The following SOX5 variants were observed in gnomAD, a reference collection of about 807,000 sequenced individuals.
SOX5 encodes transcription factor SOX-5.
SOX5 carries 9 observed loss-of-function variants against 92.0 expected under a neutral mutation model. That is an observed-to-expected ratio of 0.10 (90% CI 0.06 to 0.17). The LOEUF is 0.17. SOX5 is among the 10% of genes least tolerant of loss of function. The pLI is 1.00. For synonymous variants in SOX5, 344 were observed against 336.3 expected (o/e 1.02, Z -0.25); for missense variants, 642 against 944.5 (o/e 0.68, Z 4.20).
intron 1 of SOX5, among the ~76,000 whole-genome samples, chr12:24,450,509 T>G (rs79777896): frequency 0.23 from 35,262 of 150,056 alleles, 4,944 homozygotes; most frequent in East Asian, 0.67. Context: ...TTTATTTATT[T>G]ATTGAGACAG....
chr12:24,082,304 G>A (rs1943435586), intron 4 of SOX5, among the ~76,000 whole-genome samples: 1 of 146,206 alleles, frequency 6.8e-6, no homozygotes. Flanking sequence ...TGCCCCACAA[G>A]CACTATTTAG....
chr12:24,345,592 A>G (rs541367368), intron 2 of SOX5, among the ~76,000 whole-genome samples: 39 of 152,350 alleles, frequency 2.6e-4, no homozygotes, highest in Admixed American at 5.2e-4. Context: ...TTATTATCAG[A>G]GGTAGTTTTA....
chr12:23,929,989 C>G (rs1337883643), intron 1 of SOX5, among the ~76,000 whole-genome samples: 3 of 151,872 alleles, frequency 2.0e-5, no homozygotes, highest in Admixed American at 6.6e-5. Context: ...TACAATTTCT[C>G]TACTCATCCT....
At chr12:24,126,806 G>A (rs1949147706) in intron 4 of SOX5, among the ~76,000 whole-genome samples, 1 of 152,078 alleles carries the variant, frequency 6.6e-6, no homozygotes, top group Admixed American at 6.5e-5. Context: ...CTAGTATGCT[G>A]CTCTTTCTGG....
At chr12:23,539,605 T>TAAA (rs35395976) in intron 13 of SOX5, among the ~76,000 whole-genome samples, 3 of 141,144 alleles carry the variant, frequency 2.1e-5, no homozygotes, top group South Asian at 2.2e-4. Flanking sequence ...TGGTCTGGCT[T>TAAA]AAAAAAAAAA....
intron 3 of SOX5, among the ~76,000 whole-genome samples, chr12:24,216,628 A>C (rs1959181699): frequency 6.6e-6 from 1 of 152,130 alleles, no homozygotes; most frequent in African/African-American, 2.4e-5. Flanking sequence ...TTGAATAAAA[A>C]CTATGGACAT....
intron 1 of SOX5, among the ~76,000 whole-genome samples, chr12:24,416,864 T>G (rs1425529733): frequency 6.6e-6 from 1 of 152,182 alleles, no homozygotes; most frequent in Non-Finnish European, 1.5e-5. Flanking sequence ...ATCTGTCAAT[T>G]TGAATTAATG....
chr12:24,294,082 G>A (rs915063709), intron 2 of SOX5, among the ~76,000 whole-genome samples: 5 of 152,136 alleles, frequency 3.3e-5, no homozygotes, highest in African/African-American at 9.7e-5. Flanking sequence ...ACATGTGTTC[G>A]TAAGTGCAGA....
At chr12:23,628,722 C>T (rs868694403) in intron 8 of SOX5, among the ~76,000 whole-genome samples, 2 of 151,808 alleles carry the variant, frequency 1.3e-5, no homozygotes, top group African/African-American at 4.8e-5. Context: ...CTCTTGTTTT[C>T]GTACCCTCAA....
At chr12:23,990,701 G>A (rs1950482628) in intron 4 of SOX5, among the ~76,000 whole-genome samples, 1 of 151,806 alleles carries the variant, frequency 6.6e-6, no homozygotes, top group African/African-American at 2.4e-5. Context: ...TGTATTATTT[G>A]TTAGCTAAGT....
intron 9 of SOX5, among the ~76,000 whole-genome samples, chr12:23,588,971 C>T (rs1951139171): frequency 6.6e-6 from 1 of 151,890 alleles, no homozygotes; most frequent in Non-Finnish European, 1.5e-5. Flanking sequence ...AAGTAATAGG[C>T]TGTATCATGT....
intron 1 of SOX5, among the ~76,000 whole-genome samples, chr12:24,382,953 T>A (rs113164236): frequency 6.6e-6 from 1 of 152,116 alleles, no homozygotes; most frequent in South Asian, 2.1e-4. Context: ...CAGGTAGTCA[T>A]GTGGATACGT....
chr12:24,531,831 G>A (rs1459977150), intron 1 of SOX5, among the ~76,000 whole-genome samples: 1 of 152,100 alleles, frequency 6.6e-6, no homozygotes, highest in African/African-American at 2.4e-5. Flanking sequence ...AAGAAAATTT[G>A]CCCGCTGAGG....
chr12:23,736,753 C>T (rs1342409816), intron 5 of SOX5, among the ~76,000 whole-genome samples: 3 of 149,064 alleles, frequency 2.0e-5, no homozygotes, highest in East Asian at 4.0e-4. Context: ...TGCAATGGCG[C>T]GATCTCAGCT....
At chr12:23,650,332 C>T (rs527999836) in intron 7 of SOX5, among the ~76,000 whole-genome samples, 1 of 152,192 alleles carries the variant, frequency 6.6e-6, no homozygotes, top group African/African-American at 2.4e-5. Flanking sequence ...CATTTTACCA[C>T]CTCCTTCCCA....
At chr12:23,699,478 AT>A (rs1241431912) in intron 6 of SOX5, among the ~76,000 whole-genome samples, 1 of 152,134 alleles carries the variant, frequency 6.6e-6, no homozygotes, top group Admixed American at 6.6e-5. Flanking sequence ...CCATTTAGTT[AT>A]CTTTCAAATA....
At position 24,152,352 on chromosome 12, in the gene SOX5, C is replaced by T. The variant is rs575642624; in HGVS notation, c.-2+60991G>A. On this transcript the variant is annotated intron_variant, in intron 4 of 4. Coordinates refer to the SOX5 transcript ENST00000446891. ...CATGAACATTTTATGAGTTTTTATC[C>T]GGTAGGTTTTAGCTACCTTGAGCAA... Among the ~76,000 whole-genome samples the T allele has an allele frequency of 5.5e-4, 84 of 152,160 alleles. 1 individual carries two copies. In the South Asian group the frequency reaches 0.014, roughly 25 times the overall value.
rs552703059 is a variant in SOX5 at position 24,164,000 on chromosome 12, G to C, written c.-2+49343C>G. On this transcript the variant is annotated intron_variant, in intron 4 of 4. Transcript: ENST00000446891. ...TATACGGTATAAATTAAATAGTATAGTATATGATACAGGATACTTCAGTAC... is the reference window on the plus strand; with the variant it reads ...TATACGGTATAAATTAAATAGTATACTATATGATACAGGATACTTCAGTAC... Among the ~76,000 whole-genome samples the C allele has an allele frequency of 6.6e-5, 10 of 152,164 alleles. No individual in the cohort carries two copies. In the East Asian group the frequency reaches 1.7e-3, roughly 26 times the overall value.
intron 3 of SOX5, among the ~76,000 whole-genome samples, chr12:23,803,515 A>G (rs1365188181): frequency 6.6e-6 from 1 of 152,142 alleles, no homozygotes; most frequent in African/African-American, 2.4e-5. Flanking sequence ...ATTTTTCCCT[A>G]TTCTGATAGC....
Sources: gnomAD v4.1 joint callset for allele counts (sites outside exome capture counted in the v4.1 genomes callset) on GRCh38, gnomAD v4.1.1 for gene constraint, MANE v1.5 for transcripts, NCBI Gene and HGNC (gene_info 2026-07-23, HGNC 2026-07-21) for gene names.